The following BRD4 variants were observed in gnomAD, a reference collection of about 807,000 sequenced individuals.
BRD4 encodes the protein bromodomain containing 4.
In BRD4, 16 loss-of-function variants were observed where a neutral mutation model predicts 142.1. That is an observed-to-expected ratio of 0.11 (90% confidence interval 0.08 to 0.17). The LOEUF (loss-of-function observed/expected upper bound fraction) is 0.17, where lower values mean the gene tolerates loss of function less well. BRD4 is among the 10% of genes least tolerant of loss of function. BRD4 has a pLI of 1.00. For synonymous variants in BRD4, 833 were observed against 707.5 expected (o/e 1.18, Z -2.82); for missense variants, 1,424 against 1,810.9 (o/e 0.79, Z 3.88).
chr19:15,321,268 A>G (rs1450150752), intron 1 of BRD4, among the ~76,000 whole-genome samples: 2 of 151,632 alleles, frequency 1.3e-5, no homozygotes, highest in East Asian at 3.9e-4. Context: ...GAAAACAAAG[A>G]AAAAAGAAAA....
At chr19:15,331,115 C>A (rs1184564547) in intron 1 of BRD4, among the ~76,000 whole-genome samples, 1 of 152,118 alleles carries the variant, frequency 6.6e-6, no homozygotes, top group Non-Finnish European at 1.5e-5. Flanking sequence ...AGACACCCCA[C>A]CAGGCTGCAC....
rs1221259710 is a variant in BRD4 at position 15,272,959 on chromosome 19, G to A, written c.141C>T (p.Pro47=). Residue 47 remains proline, a synonymous_variant, in exon 2 of 20, where the codon CCC becomes CCT. Coordinates refer to ENST00000679869, the MANE Select transcript of BRD4 (RefSeq NM_001379291.1). ...PANAASTNPP[P]PETSNPNKPK... ...GCTTGTTAGGGTTGGAGGTCTCTGGGGGCGGGGGGTTGGTGCTGGCTGCGT... is the reference window on the plus strand; with the variant it reads ...GCTTGTTAGGGTTGGAGGTCTCTGGAGGCGGGGGGTTGGTGCTGGCTGCGT... The A allele has an allele frequency of 6.2e-6, 10 of 1,614,242 alleles. No individual in the cohort carries two copies. The highest frequency in any genetic ancestry group is 6.8e-6 in the Non-Finnish European group (8 of 1,180,042).
intron 12 of BRD4, 44 bp downstream of exon 12, chr19:15,244,666 A>C (rs779016923): frequency 1.2e-6 from 2 of 1,614,020 alleles, no homozygotes; most frequent in Non-Finnish European, 1.7e-6. Context: ...CCCGGGCCAG[A>C]CCCAACGTCC....
At chr19:15,242,056 C>G (rs560848560) in intron 14 of BRD4, among the ~76,000 whole-genome samples, 1 of 152,248 alleles carries the variant, frequency 6.6e-6, no homozygotes, top group Non-Finnish European at 1.5e-5. Flanking sequence ...TCAGGTGATC[C>G]ACCTGCCTTG....
At chr19:15,291,164 G>C (rs993316009) in intron 1 of BRD4, among the ~76,000 whole-genome samples, 1 of 152,162 alleles carries the variant, frequency 6.6e-6, no homozygotes, top group African/African-American at 2.4e-5. Context: ...CCTGGAGTAG[G>C]CCTATAAGGA....
chr19:15,247,807 T>C (rs1396762127), intron 11 of BRD4: 5 of 232,460 alleles, frequency 2.2e-5, no homozygotes, highest in Non-Finnish European at 4.3e-5. Flanking sequence ...CAAACAGAGC[T>C]TAACTGGAAG....
chr19:15,254,158 C>T lies in BRD4; in HGVS notation c.2152G>A (p.Glu718Lys), dbSNP rs1394299823. The change falls in exon 11 of 20, where the codon GAA becomes AAA. Residue 718 changes from glutamate to lysine, a missense_variant. This residue lies in a region of BRD4 where 598 missense variants were observed against 647.8 expected (regional missense o/e 0.92). Coordinates refer to ENST00000679869, the MANE Select transcript of BRD4 (RefSeq NM_001379291.1). The part of the protein sequence containing the change: ...ESSSSDSEDS[E>K]TEMAPKSKKK... The stretch of plus-strand genomic sequence containing the variant: ...AGAACACAAGTCACCTAACCTGTTT[C>T]GGAGTCTTCGCTGTCAGAGGAGCTG... 2.5e-6 allele frequency: 4 copies of T among 1,613,712 alleles called. No individual in the cohort carries two copies. The highest frequency in any genetic ancestry group is 1.7e-5 in the Admixed American group (1 of 60,010).
intron 7 of BRD4, among the ~76,000 whole-genome samples, chr19:15,262,537 A>AG (rs1411743371): frequency 1.4e-5 from 2 of 141,676 alleles, no homozygotes; most frequent in Admixed American, 6.8e-5. Context: ...AAAAAAAAAA[A>AG]AAAAAGAAAA....
At chr19:15,316,024 C>T (rs889254877) in intron 1 of BRD4, among the ~76,000 whole-genome samples, 2 of 151,164 alleles carry the variant, frequency 1.3e-5, no homozygotes, top group African/African-American at 2.4e-5. Context: ...GGCGTAGTGG[C>T]GGGCGCCTGT....
At chr19:15,259,967 T>G (rs2047451632) in intron 7 of BRD4, among the ~76,000 whole-genome samples, 2 of 152,112 alleles carry the variant, frequency 1.3e-5, no homozygotes, top group South Asian at 4.2e-4. Flanking sequence ...GGGAGGATGG[T>G]GATGGTGAGG....
intron 7 of BRD4, among the ~76,000 whole-genome samples, chr19:15,261,028 T>A (rs1220154120): frequency 2.0e-5 from 3 of 152,194 alleles, no homozygotes; most frequent in African/African-American, 7.2e-5. Context: ...GAGTTCTTCC[T>A]ATGAGAGTAG....
chr19:15,328,395 G>A (rs2048127883), intron 1 of BRD4, among the ~76,000 whole-genome samples: 1 of 152,150 alleles, frequency 6.6e-6, no homozygotes, highest in Non-Finnish European at 1.5e-5. Context: ...TGGCAGGTCA[G>A]GGTTGAACCA....
intron 1 of BRD4, among the ~76,000 whole-genome samples, chr19:15,305,999 G>C (rs2047910523): frequency 1.3e-5 from 2 of 152,160 alleles, no homozygotes; most frequent in Non-Finnish European, 2.9e-5. Flanking sequence ...TTCTTCTGCA[G>C]CTTTCTCACC....
chr19:15,248,215 CA>C, intron 11 of BRD4: 1 of 220,410 alleles, frequency 4.5e-6, no homozygotes, highest in Non-Finnish European at 9.1e-6. Context: ...ATTTTTAGAG[CA>C]AAAAAGCCTA....
intron 1 of BRD4, among the ~76,000 whole-genome samples, chr19:15,285,660 T>C (rs2047734473): frequency 6.6e-6 from 1 of 152,206 alleles, no homozygotes; most frequent in Admixed American, 6.5e-5. Flanking sequence ...TGAAAAAATT[T>C]TAAAAAGTGC....
At chr19:15,253,579 C>A (rs774336004) in intron 11 of BRD4, 2 of 1,579,584 alleles carry the variant, frequency 1.3e-6, no homozygotes, top group Non-Finnish European at 1.7e-6. Context: ...AACACAGCAA[C>A]GAGCACACTC....
At chr19:15,248,991 C>A (rs1413182274) in intron 11 of BRD4, 3 of 533,642 alleles carry the variant, frequency 5.6e-6, no homozygotes, top group Non-Finnish European at 1.0e-5. Flanking sequence ...GAGATGCCAC[C>A]CACCCAGAGG....
At chr19:15,279,182 T>C (rs970099670) in intron 1 of BRD4, among the ~76,000 whole-genome samples, 2 of 152,146 alleles carry the variant, frequency 1.3e-5, no homozygotes, top group African/African-American at 4.8e-5. Context: ...AATCATAATA[T>C]TTAAGTGAAT....
intron 7 of BRD4, among the ~76,000 whole-genome samples, chr19:15,259,983 C>G (rs550877396): frequency 1.3e-5 from 2 of 152,316 alleles, no homozygotes; most frequent in East Asian, 1.9e-4. Context: ...TGAGGGGTAG[C>G]AGGCACCAGC....
Sources: allele counts gnomAD v4.1 joint callset (sites outside exome capture counted in the v4.1 genomes callset), GRCh38; gene constraint gnomAD v4.1.1; regional missense constraint gnomAD v4.1.1; transcripts MANE v1.5; gene names NCBI Gene and HGNC (gene_info 2026-07-23, HGNC 2026-07-21).